The following TMEM245 variants were observed in gnomAD, a reference collection of about 807,000 sequenced individuals.
TMEM245 encodes transmembrane protein 245, also known as protein CG-2.
A neutral mutation model predicts 101.2 loss-of-function variants in TMEM245; 69 were observed. That is an observed-to-expected ratio of 0.68 (90% CI 0.56 to 0.83). TMEM245 has a LOEUF of 0.83. Among genes scored for constraint, TMEM245 ranks in the 40% least tolerant of loss-of-function variants. The probability of loss-of-function intolerance (pLI) is 0.00; values close to 1 mark genes in which losing one functional copy is unlikely to be tolerated. For missense variants in TMEM245, 1,075 were observed against 1,092.8 expected, an observed-to-expected ratio of 0.98 and a Z score of 0.23; for synonymous variants, 537 against 449.8, an observed-to-expected ratio of 1.19 and a Z score of -2.45.
chr9:109,033,089 G>A (rs1828012630), intron 17 of TMEM245, among the ~76,000 whole-genome samples: 1 of 152,162 alleles, frequency 6.6e-6, no homozygotes, highest in African/African-American at 2.4e-5. Flanking sequence ...GTGAGCCACT[G>A]CTCCCGGCCC....
At chr9:109,023,813 G>A (rs1039661048) in intron 17 of TMEM245, among the ~76,000 whole-genome samples, 1 of 150,580 alleles carries the variant, frequency 6.6e-6, no homozygotes, top group Non-Finnish European at 1.5e-5. Flanking sequence ...TCCAGCCTAG[G>A]CGACAGAGTG....
At chr9:109,056,969 C>T (rs183026751) in intron 12 of TMEM245, among the ~76,000 whole-genome samples, 2 of 152,250 alleles carry the variant, frequency 1.3e-5, no homozygotes, top group Non-Finnish European at 2.9e-5. Flanking sequence ...ACATCCTGGT[C>T]ATCTCTCAGT....
intron 1 of TMEM245, among the ~76,000 whole-genome samples, chr9:109,116,408 G>A (rs1223481702): frequency 1.3e-5 from 2 of 151,978 alleles, no homozygotes; most frequent in Non-Finnish European, 2.9e-5. Context: ...CTGGGGGTGG[G>A]GGAGGTCTCA....
intron 3 of TMEM245, among the ~76,000 whole-genome samples, chr9:109,103,707 A>G (rs1830335423): frequency 1.3e-5 from 2 of 152,112 alleles, no homozygotes; most frequent in South Asian, 2.1e-4. Flanking sequence ...AGAGATAGAG[A>G]GCAGAAGGAT....
At chr9:109,081,922 G>C (rs184816972) in intron 7 of TMEM245, among the ~76,000 whole-genome samples, 4 of 152,188 alleles carry the variant, frequency 2.6e-5, no homozygotes, top group African/African-American at 9.6e-5. Flanking sequence ...TTGATAGATT[G>C]CTAGAATTCC....
intron 8 of TMEM245, among the ~76,000 whole-genome samples, chr9:109,078,056 G>T (rs1829563838): frequency 6.6e-6 from 1 of 152,028 alleles, no homozygotes; most frequent in Admixed American, 6.5e-5. Context: ...CTAATCCTTA[G>T]GCTATTTATT....
At chr9:109,108,350 G>A in intron 2 of TMEM245, 103 bp downstream of exon 2, 1 of 469,712 alleles carries the variant, frequency 2.1e-6, no homozygotes. Flanking sequence ...AATGTTAAAT[G>A]CAACATATGA....
intron 7 of TMEM245, 144 bp from the exon 8 acceptor site, chr9:109,081,087 A>T (rs1313072461): frequency 1.7e-6 from 1 of 598,186 alleles, no homozygotes; most frequent in African/African-American, 1.9e-5. Flanking sequence ...AAAAGCTTTA[A>T]GCAACTTTAA....
At chr9:109,108,330 A>G in intron 2 of TMEM245, 123 bp downstream of exon 2, 1 of 442,124 alleles carries the variant, frequency 2.3e-6, no homozygotes, top group Non-Finnish European at 4.0e-6. Context: ...AACATTTTCT[A>G]AAGATTAAGA....
rs1165124000 is a variant in TMEM245 at position 109,087,239 on chromosome 9, C to T, written c.1254G>A (p.Arg418=). ...WGIIESFLKE[R]QGALAPWPIV... Reference sequence around the variant, plus strand: ...TGGGCCAAGGCGCGAGAGCTCCCTGCCGCTCCTTCAGGAAGCTTTCTATAA... The same window carrying T: ...TGGGCCAAGGCGCGAGAGCTCCCTGTCGCTCCTTCAGGAAGCTTTCTATAA... Residue 418 remains arginine (R), a synonymous_variant, in exon 6 of 18, where the codon CGG becomes CGA. Coordinates refer to ENST00000374586, the MANE Select transcript of TMEM245 (RefSeq NM_032012.4). The T allele has an allele frequency of 6.2e-7, 1 of 1,613,890 alleles. No individual in the cohort carries two copies. Among genetic ancestry groups the T allele is most frequent in the Non-Finnish European group, 8.5e-7 (1 of 1,179,916 alleles).
chr9:109,094,994 G>C (rs1218604851), intron 3 of TMEM245, among the ~76,000 whole-genome samples: 1 of 152,192 alleles, frequency 6.6e-6, no homozygotes, highest in Non-Finnish European at 1.5e-5. Context: ...GCCTGAGGTG[G>C]ATCTTTGGTA....
intron 9 of TMEM245, among the ~76,000 whole-genome samples, chr9:109,072,898 T>C (rs1829377109): frequency 6.6e-6 from 1 of 152,188 alleles, no homozygotes; most frequent in Non-Finnish European, 1.5e-5. Flanking sequence ...GGAGTTACAG[T>C]TTCCATGTTA....
intron 9 of TMEM245, among the ~76,000 whole-genome samples, chr9:109,067,514 C>G (rs1374959535): frequency 6.6e-6 from 1 of 152,188 alleles, no homozygotes; most frequent in Non-Finnish European, 1.5e-5. Flanking sequence ...GAGAACAACC[C>G]TGATTAAAAA....
intron 3 of TMEM245, among the ~76,000 whole-genome samples, chr9:109,100,020 A>C (rs562528997): frequency 1.7e-4 from 26 of 152,292 alleles, no homozygotes; most frequent in Admixed American, 6.5e-5. Context: ...TGAGCCAATA[A>C]ATTTCTGTTC....
intron 17 of TMEM245, among the ~76,000 whole-genome samples, chr9:109,025,902 G>A (rs1250086654): frequency 6.6e-6 from 1 of 152,214 alleles, no homozygotes; most frequent in African/African-American, 2.4e-5. Context: ...CAGCAGAGAA[G>A]GTCTTCCTTC....
intron 16 of TMEM245, chr9:109,035,940 CAAAA>C (rs10552841): frequency 2.7e-3 from 194 of 73,128 alleles, no homozygotes; most frequent in South Asian, 8.1e-3. Flanking sequence ...GATATTGTCT[CAAAA>C]AAAAAAAAAA....
At position 109,033,357 on chromosome 9, in the gene TMEM245, C is replaced by G. The variant is rs766218648; in HGVS notation, c.2544G>C (p.Thr848=). 6.2e-7 allele frequency: 1 copy of G among 1,613,628 alleles called. No individual in the cohort carries two copies. Among genetic ancestry groups the G allele is most frequent in the Non-Finnish European group, 8.5e-7 (1 of 1,179,834 alleles). The change falls in exon 17 of 18, where the codon ACG becomes ACC. Residue 848 remains threonine, a synonymous_variant. Coordinates refer to ENST00000374586, the MANE Select transcript of TMEM245 (RefSeq NM_032012.4). ...NIYSAMLVSP[T]NSVPTPNQTP... ...TCTGGTTTGGCGTGGGAACTGAATT[C>G]GTGGGACTCACTAGCATGGCACTAT... is the stretch of plus-strand genomic sequence containing the variant.
intron 8 of TMEM245, among the ~76,000 whole-genome samples, chr9:109,078,096 C>T (rs1007994201): frequency 6.6e-6 from 1 of 152,130 alleles, no homozygotes; most frequent in Non-Finnish European, 1.5e-5. Flanking sequence ...TAAATCTTAT[C>T]TCATCTTTTA....
intron 4 of TMEM245, among the ~76,000 whole-genome samples, chr9:109,092,424 T>C (rs1464104434): frequency 5.9e-5 from 9 of 152,230 alleles, no homozygotes; most frequent in Non-Finnish European, 1.2e-4. Context: ...GGACCAACAT[T>C]CTACCCTTAA....
Sources: gnomAD v4.1 joint callset for allele counts (sites outside exome capture counted in the v4.1 genomes callset) on GRCh38, gnomAD v4.1.1 for gene constraint, MANE v1.5 for transcripts, NCBI Gene and HGNC (gene_info 2026-07-23, HGNC 2026-07-21) for gene names.